The following MYO3B variants were observed in gnomAD, a reference collection of about 807,000 sequenced individuals.
MYO3B encodes myosin IIIB.
Under a neutral mutation model 174.6 loss-of-function variants are expected in MYO3B, and 156 were observed. The observed-to-expected ratio is 0.89, with a 90% CI of 0.78 to 1.02. The LOEUF (loss-of-function observed/expected upper bound fraction) is 1.02. Among genes scored for constraint, MYO3B ranks in the 50% least tolerant of loss-of-function variants. MYO3B has a pLI of 0.00. For missense variants in MYO3B, 1,632 were observed against 1,639.4 expected (o/e 1.00, Z 0.08); for synonymous variants, 563 against 569.1 (o/e 0.99, Z 0.15).
At chr2:170,573,238 T>A (rs867407835) in intron 32 of MYO3B, among the ~76,000 whole-genome samples, 3 of 142,398 alleles carry the variant, frequency 2.1e-5, no homozygotes, top group African/African-American at 8.9e-5. Flanking sequence ...TATATATATA[T>A]ATATATATAT....
chr2:170,391,627 CAG>C lies in MYO3B; in HGVS notation c.1676+10_1676+11del, dbSNP rs1491101788. The C allele has an allele frequency of 1.3e-6, 2 of 1,491,942 alleles. No individual in the cohort carries two copies. Among genetic ancestry groups the C allele is most frequent in the East Asian group, 4.7e-5 (2 of 42,874 alleles). The allele number at this position is 1,491,942 out of a possible 1,614,324, so 92.4% of individuals were successfully genotyped here. On this transcript the variant is annotated intron_variant, in intron 15 of 34. Transcript: ENST00000408978. ...GAGGAAAAACCTCCTAGGTAAGTGTCAGGGGGGTTGGTTGTTAATTTTTGATG... is the reference window on the plus strand; with the variant it reads ...GAGGAAAAACCTCCTAGGTAAGTGTCGGGGGTTGGTTGTTAATTTTTGATG...
intron 32 of MYO3B, among the ~76,000 whole-genome samples, chr2:170,597,593 C>T (rs1694237858): frequency 6.6e-6 from 1 of 152,016 alleles, no homozygotes; most frequent in Non-Finnish European, 1.5e-5. Context: ...AGTGAATTTC[C>T]TTTTTGCATA....
At chr2:170,213,189 G>C (rs572780286) in intron 3 of MYO3B, among the ~76,000 whole-genome samples, 1 of 152,180 alleles carries the variant, frequency 6.6e-6, no homozygotes, top group Non-Finnish European at 1.5e-5. Context: ...AGGACAAGCC[G>C]CAGACAAAAC....
In MYO3B at chr2:170,383,230, A is replaced by G. The variant is rs769694567; in HGVS notation, c.1185+41A>G. On this transcript the variant is annotated intron_variant, in intron 11 of 34. Transcript: ENST00000408978. ...AGAGCATACTGCTCCTTAATAGGAA[A>G]TTAAAACTCACAAGGGCAAATGAAG... 3 of 1,228,120 alleles carry G rather than the reference A, an allele frequency of 2.4e-6. No homozygotes were observed. The African/African-American group carries it at 4.5e-5, about 18-fold the overall frequency. The allele number at this position is 1,228,120 out of a possible 1,614,324, so 76.1% of individuals were successfully genotyped here.
chr2:170,404,215 G>C (rs1409939989), intron 19 of MYO3B, 32 bp from the exon 20 acceptor site: 2 of 1,570,656 alleles, frequency 1.3e-6, no homozygotes, highest in Non-Finnish European at 1.7e-6. Context: ...CTAGTTTTGG[G>C]CTGGAGAGAA....
At chr2:170,287,090 T>TG (rs1340874180) in intron 7 of MYO3B, among the ~76,000 whole-genome samples, 1 of 152,320 alleles carries the variant, frequency 6.6e-6, no homozygotes, top group East Asian at 1.9e-4. Context: ...AATATTCCAT[T>TG]GTGTATGTCT....
At chr2:170,219,206 G>A (rs1045173198) in intron 6 of MYO3B, among the ~76,000 whole-genome samples, 4 of 152,154 alleles carry the variant, frequency 2.6e-5, no homozygotes, top group African/African-American at 7.2e-5. Flanking sequence ...TTTCCACCAC[G>A]TCCTTAGACC....
chr2:170,497,027 A>G (rs1686893732), intron 25 of MYO3B, among the ~76,000 whole-genome samples: 1 of 152,062 alleles, frequency 6.6e-6, no homozygotes. Flanking sequence ...AGGACACACC[A>G]CCCCCAAATA....
At chr2:170,624,655 G>A (rs1160307187) in intron 32 of MYO3B, among the ~76,000 whole-genome samples, 1 of 152,102 alleles carries the variant, frequency 6.6e-6, no homozygotes, top group East Asian at 1.9e-4. Flanking sequence ...GCTTTCAGAG[G>A]GAATGCTTCC....
intron 7 of MYO3B, among the ~76,000 whole-genome samples, chr2:170,328,712 C>G (rs928864086): frequency 6.6e-6 from 1 of 151,934 alleles, no homozygotes; most frequent in African/African-American, 2.4e-5. Flanking sequence ...GCTAAATAAC[C>G]TATAGTTACC....
At chr2:170,265,103 T>C (rs1302921441) in intron 7 of MYO3B, among the ~76,000 whole-genome samples, 1 of 152,214 alleles carries the variant, frequency 6.6e-6, no homozygotes, top group East Asian at 1.9e-4. Context: ...TGGGGCTGGC[T>C]TTCATAATGG....
intron 7 of MYO3B, among the ~76,000 whole-genome samples, chr2:170,293,341 G>GTTACTATATATT (rs2093608225): frequency 6.6e-6 from 1 of 152,090 alleles, no homozygotes; most frequent in South Asian, 2.1e-4. Flanking sequence ...TACTATATAA[G>GTTACTATATATT]TGATATTTTT....
chr2:170,634,206 G>T (rs1037872397), intron 32 of MYO3B, among the ~76,000 whole-genome samples: 5 of 152,144 alleles, frequency 3.3e-5, no homozygotes, highest in African/African-American at 1.2e-4. Flanking sequence ...CACGCTACCG[G>T]ACTTCAAACA....
In MYO3B at chr2:170,324,079, G is replaced by A. The variant is rs1057357553; in HGVS notation, c.750-11306G>A. Among the ~76,000 whole-genome samples the A allele has an allele frequency of 3.3e-5, 5 of 152,114 alleles. No homozygotes were observed. The South Asian group carries it at 8.3e-4, about 25-fold the overall frequency. ...TTCACTGGTTCCTTTACCTTTCTAT[G>A]TTGGGCGAAATCCTAGAGGCAGAGC... is the stretch of plus-strand genomic sequence containing the variant. On this transcript the variant is annotated intron_variant, in intron 7 of 34. Coordinates refer to ENST00000408978, the MANE Select transcript of MYO3B (RefSeq NM_138995.5).
At chr2:170,343,835 C>T (rs2093995507) in intron 8 of MYO3B, 1 of 152,252 alleles carries the variant, frequency 6.6e-6, no homozygotes, top group Non-Finnish European at 1.5e-5. Context: ...GCCTCAATTT[C>T]CTCATCTGCA....
At chr2:170,437,725 C>T (rs748188175) in intron 22 of MYO3B, among the ~76,000 whole-genome samples, 1 of 152,060 alleles carries the variant, frequency 6.6e-6, no homozygotes, top group African/African-American at 2.4e-5. Flanking sequence ...AACCATGAAC[C>T]TAGGATGGGT....
chr2:170,423,537 T>G lies in MYO3B; in HGVS notation c.2650+15693T>G, dbSNP rs573385201. On this transcript the variant is annotated intron_variant, in intron 22 of 34. Transcript: ENST00000408978. ...GACTTGACTTCAGATTATCTCCCAGTGTGTAAGAGACATTATTGTTCCCGG... is the reference window on the plus strand; with the variant it reads ...GACTTGACTTCAGATTATCTCCCAGGGTGTAAGAGACATTATTGTTCCCGG... Among the ~76,000 whole-genome samples the G allele has an allele frequency of 2.0e-5, 3 of 151,886 alleles. No individual in the cohort carries two copies. The East Asian group carries it at 5.8e-4, about 29-fold the overall frequency.
At chr2:170,526,613 A>G (rs1689019608) in intron 30 of MYO3B, among the ~76,000 whole-genome samples, 1 of 151,968 alleles carries the variant, frequency 6.6e-6, no homozygotes, top group Non-Finnish European at 1.5e-5. Context: ...TGACATTATC[A>G]TACCCTCAAA....
chr2:170,527,512 AAGTGAGC>A (rs1689079748), intron 30 of MYO3B, among the ~76,000 whole-genome samples: 1 of 152,202 alleles, frequency 6.6e-6, no homozygotes, highest in Non-Finnish European at 1.5e-5. Flanking sequence ...AAACTGCTGG[AAGTGAGC>A]AGGAGCTATC....
Sources: gnomAD v4.1 joint callset for allele counts (sites outside exome capture counted in the v4.1 genomes callset) on GRCh38, gnomAD v4.1.1 for gene constraint, MANE v1.5 for transcripts, NCBI Gene and HGNC (gene_info 2026-07-23, HGNC 2026-07-21) for gene names.